The following CDYL2 variants were observed in gnomAD, a reference collection of about 807,000 sequenced individuals.
The protein encoded by CDYL2 is chromodomain Y like 2, also known as chromodomain Y-like protein 2.
CDYL2 carries 23 observed loss-of-function variants against 49.4 expected under a neutral mutation model. The observed-to-expected ratio is 0.47, with a 90% CI of 0.34 to 0.66. CDYL2 has a LOEUF of 0.66. Ranked by LOEUF, CDYL2 falls within the 30% of genes least tolerant of loss-of-function variation. The pLI, the probability that CDYL2 is intolerant of heterozygous loss-of-function variation, is 0.01. For synonymous variants in CDYL2, 360 were observed against 268.8 expected (o/e 1.34, Z -3.32); for missense variants, 678 against 656.4 (o/e 1.03, Z -0.36).
chr16:80,691,241 A>G (rs145830097), intron 1 of CDYL2, among the ~76,000 whole-genome samples: 2,544 of 152,298 alleles, frequency 0.017, 29 homozygotes, highest in Admixed American at 0.026. Flanking sequence ...TGGGGGCGGA[A>G]GGGCGAAGGC....
intron 2 of CDYL2, among the ~76,000 whole-genome samples, chr16:80,683,229 G>A (rs922938904): frequency 9.8e-5 from 15 of 152,366 alleles, no homozygotes; most frequent in Admixed American, 3.9e-4. Context: ...GTTGGGCAAT[G>A]GTTGTCCACA....
At chr16:80,678,556 A>T (rs1461317269) in intron 2 of CDYL2, among the ~76,000 whole-genome samples, 2 of 151,986 alleles carry the variant, frequency 1.3e-5, no homozygotes, top group African/African-American at 2.4e-5. Context: ...TCAAAACCAC[A>T]ATGAGATACC....
intron 2 of CDYL2, among the ~76,000 whole-genome samples, chr16:80,676,877 G>C (rs774900149): frequency 6.6e-6 from 1 of 151,204 alleles, no homozygotes; most frequent in Non-Finnish European, 1.5e-5. Context: ...ATTCTAGAAC[G>C]TTTAGATTTG....
chr16:80,675,888 G>C (rs1359948917), intron 2 of CDYL2, among the ~76,000 whole-genome samples: 2 of 152,126 alleles, frequency 1.3e-5, no homozygotes, highest in Non-Finnish European at 2.9e-5. Flanking sequence ...TGAGCAAACA[G>C]TGCCTAAGAC....
intron 2 of CDYL2, among the ~76,000 whole-genome samples, chr16:80,636,681 T>G (rs552756413): frequency 8.1e-4 from 123 of 152,326 alleles, no homozygotes; most frequent in Non-Finnish European, 1.2e-3. Flanking sequence ...AAATACCATT[T>G]AACCCAGCAA....
intron 2 of CDYL2, among the ~76,000 whole-genome samples, chr16:80,655,750 G>C (rs1362511108): frequency 6.6e-6 from 1 of 152,172 alleles, no homozygotes; most frequent in Admixed American, 6.5e-5. Context: ...GATTCAAAAT[G>C]TGTGCAATTC....
chr16:80,674,997 T>A (rs1421014953), intron 2 of CDYL2, among the ~76,000 whole-genome samples: 2 of 152,226 alleles, frequency 1.3e-5, no homozygotes, highest in African/African-American at 4.8e-5. Context: ...CATGTGTATG[T>A]ACATGCATAC....
At chr16:80,626,834 TGC>T (rs1467393508) in intron 3 of CDYL2, among the ~76,000 whole-genome samples, 1 of 152,210 alleles carries the variant, frequency 6.6e-6, no homozygotes, top group African/African-American at 2.4e-5. Flanking sequence ...CACCTAGTAG[TGC>T]CAGGAATTGC....
At chr16:80,698,923 C>T (rs571416797) in intron 1 of CDYL2, among the ~76,000 whole-genome samples, 6 of 152,242 alleles carry the variant, frequency 3.9e-5, no homozygotes, top group African/African-American at 1.4e-4. Flanking sequence ...CTCACCATCA[C>T]TAATCACCAG....
chr16:80,639,754 C>A, intron 2 of CDYL2: 2 of 455,914 alleles, frequency 4.4e-6, no homozygotes, highest in Middle Eastern at 3.3e-4. Context: ...CCACCTCTCT[C>A]CCCTCCCCCT....
At chr16:80,770,887 G>C (rs1406430650) in intron 1 of CDYL2, among the ~76,000 whole-genome samples, 1 of 152,110 alleles carries the variant, frequency 6.6e-6, no homozygotes, top group Non-Finnish European at 1.5e-5. Context: ...CCAAGATCTG[G>C]GAGAAAACAG....
chr16:80,613,653 A>G (rs896625), intron 4 of CDYL2, among the ~76,000 whole-genome samples: 37,027 of 152,084 alleles, frequency 0.24, 4,607 homozygotes, highest in Admixed American at 0.34. Flanking sequence ...AATTACACAG[A>G]GCCATCAACA....
At chr16:80,776,637 T>C (rs1907092641) in intron 1 of CDYL2, among the ~76,000 whole-genome samples, 1 of 150,576 alleles carries the variant, frequency 6.6e-6, no homozygotes, top group South Asian at 2.1e-4. Context: ...GTATTTATAT[T>C]TTAACGTACA....
intron 1 of CDYL2, among the ~76,000 whole-genome samples, chr16:80,770,327 A>G (rs1421373756): frequency 6.6e-6 from 1 of 152,186 alleles, no homozygotes; most frequent in Non-Finnish European, 1.5e-5. Flanking sequence ...TAAAAGGTAA[A>G]GAAGAAATCT....
intron 1 of CDYL2, among the ~76,000 whole-genome samples, chr16:80,713,936 T>C (rs749004736): frequency 2.0e-5 from 3 of 152,108 alleles, no homozygotes; most frequent in Non-Finnish European, 4.4e-5. Context: ...AAACAGCAGA[T>C]GTCAGAATGA....
At chr16:80,764,220 C>T (rs573933436) in intron 1 of CDYL2, among the ~76,000 whole-genome samples, 1 of 152,198 alleles carries the variant, frequency 6.6e-6, no homozygotes, top group South Asian at 2.1e-4. Flanking sequence ...TCTTATAAAA[C>T]ATGATTTTAA....
intron 2 of CDYL2, among the ~76,000 whole-genome samples, chr16:80,665,030 C>T (rs945250952): frequency 1.3e-5 from 2 of 152,128 alleles, no homozygotes; most frequent in South Asian, 2.1e-4. Flanking sequence ...ACCCCCAGAA[C>T]GAGGCATGCT....
chr16:80,611,336 CCT>C (rs1345618733), intron 5 of CDYL2, among the ~76,000 whole-genome samples: 1 of 152,116 alleles, frequency 6.6e-6, no homozygotes, highest in African/African-American at 2.4e-5. Flanking sequence ...GAGGGGACTC[CCT>C]GAGAACCTTC....
chr16:80,785,377 G>C (rs922458844), intron 1 of CDYL2, among the ~76,000 whole-genome samples: 9 of 152,082 alleles, frequency 5.9e-5, no homozygotes, highest in African/African-American at 9.7e-5. Context: ...GCTACTAAGA[G>C]AATAAAATAC....
Sources: allele counts gnomAD v4.1 joint callset (sites outside exome capture counted in the v4.1 genomes callset), GRCh38; gene constraint gnomAD v4.1.1; transcripts MANE v1.5; gene names NCBI Gene and HGNC (gene_info 2026-07-23, HGNC 2026-07-21).